The following ROBO2 variants were observed in gnomAD, a reference collection of about 807,000 sequenced individuals.
ROBO2 encodes the protein roundabout homolog 2.
In ROBO2, 53 loss-of-function variants were observed where a neutral mutation model predicts 160.8. The observed-to-expected ratio is 0.33, with a 90% CI of 0.26 to 0.41. The LOEUF is 0.41. Ranked by LOEUF, ROBO2 falls within the 10% of genes least tolerant of loss-of-function variation. The pLI, the probability that ROBO2 is intolerant of heterozygous loss-of-function variation, is 1.00. For missense variants in ROBO2, 1,577 were observed against 1,722.4 expected, an observed-to-expected ratio of 0.92 and a Z score of 1.49; for synonymous variants, 664 against 611.7, an observed-to-expected ratio of 1.09 and a Z score of -1.26.
chr3:76,135,652 G>A (rs143042308), intron 2 of ROBO2, among the ~76,000 whole-genome samples: 2,473 of 152,158 alleles, frequency 0.016, 35 homozygotes, highest in Middle Eastern at 0.054. Context: ...CAGAAAACAG[G>A]TCTGTGATCC....
intron 6 of ROBO2, among the ~76,000 whole-genome samples, chr3:77,531,878 TC>T (rs1004292599): frequency 2.8e-4 from 42 of 152,216 alleles, no homozygotes; most frequent in Middle Eastern, 3.4e-3. Flanking sequence ...ATCATCTCCC[TC>T]CTGAGAGCTC....
rs192260852 is a variant in ROBO2, at chr3:76,310,795, G to C, written c.109+373193G>C. ...GGTTCCTGGGTGGTTTTCAAGCCCA[G>C]CACTACCCACCCAAGTGGCGGTGAC... On this transcript the variant is annotated intron_variant, in intron 2 of 26. Transcript: ENST00000487694. Among the ~76,000 whole-genome samples, 257 of 152,240 alleles carry C rather than the reference G, an allele frequency of 1.7e-3. 1 individual carries two copies. Among genetic ancestry groups the C allele is most frequent in the African/African-American group, 6.0e-3 (250 of 41,532 alleles).
At chr3:77,095,168 G>T (rs1259441803) in intron 1 of ROBO2, among the ~76,000 whole-genome samples, 6 of 151,998 alleles carry the variant, frequency 3.9e-5, no homozygotes, top group African/African-American at 1.2e-4. Flanking sequence ...TATTTAGGTT[G>T]TAGATGTTCT....
intron 2 of ROBO2, among the ~76,000 whole-genome samples, chr3:77,145,014 A>T (rs74702233): frequency 0.075 from 11,313 of 151,128 alleles, 980 homozygotes; most frequent in East Asian, 0.21. Flanking sequence ...TGGCACATTT[A>T]TTTTTTTGTC....
intron 2 of ROBO2, chr3:76,311,106 T>C (rs1234439123): frequency 2.6e-5 from 4 of 152,206 alleles, no homozygotes; most frequent in African/African-American, 9.6e-5. Context: ...GACTGCGTAC[T>C]GAGGAGAAGG....
chr3:77,245,320 A>G (rs1371885897), intron 2 of ROBO2, among the ~76,000 whole-genome samples: 2 of 152,160 alleles, frequency 1.3e-5, no homozygotes, highest in African/African-American at 4.8e-5. Flanking sequence ...ACGCATTGCT[A>G]CATCATCTGT....
chr3:77,203,783 GTT>G (rs1189927469), intron 2 of ROBO2, among the ~76,000 whole-genome samples: 1 of 152,154 alleles, frequency 6.6e-6, no homozygotes, highest in Admixed American at 6.5e-5. Context: ...TTCTCATTCA[GTT>G]TTTGCTGCAA....
chr3:77,307,903 G>A (rs6548497), intron 2 of ROBO2, among the ~76,000 whole-genome samples: 148,915 of 151,870 alleles, frequency 0.98, 73,087 homozygotes, highest in East Asian at 1. Context: ...GGTTGCAGTG[G>A]GCTGAGATCG....
Position 76,230,420 on chromosome 3 carries a change from A to G in ROBO2, c.109+292818A>G, listed in dbSNP as rs183918380. 1.9e-3 allele frequency among the ~76,000 whole-genome samples: 284 copies of G among 152,274 alleles called. 5 individuals are homozygous for G. The highest frequency in any genetic ancestry group is 0.018 in the Admixed American group (268 of 15,288). ...ATTCTCCATTAATTGTCAAATTAAC[A>G]ACTGCTTCAGTCTTGTCTCACTTGC... On this transcript the variant is annotated intron_variant, in intron 2 of 26. Transcript: ENST00000487694.
At chr3:76,063,441 C>T (rs968806688) in intron 2 of ROBO2, among the ~76,000 whole-genome samples, 1 of 150,138 alleles carries the variant, frequency 6.7e-6, no homozygotes, top group Non-Finnish European at 1.5e-5. Flanking sequence ...TCCCTTTGGG[C>T]TCAAGCAATC....
chr3:76,569,302 G>A (rs982597939), intron 2 of ROBO2, among the ~76,000 whole-genome samples: 7 of 151,928 alleles, frequency 4.6e-5, no homozygotes, highest in Non-Finnish European at 8.8e-5. Flanking sequence ...ATACATGTGG[G>A]CATCTGGATA....
intron 2 of ROBO2, among the ~76,000 whole-genome samples, chr3:76,156,344 AAAGTT>A (rs1185748426): frequency 1.3e-5 from 2 of 152,218 alleles, no homozygotes; most frequent in Non-Finnish European, 2.9e-5. Context: ...CCTACACATT[AAAGTT>A]ATTTATCAGA....
chr3:76,079,988 C>T (rs954553026), intron 2 of ROBO2, among the ~76,000 whole-genome samples: 3 of 152,054 alleles, frequency 2.0e-5, no homozygotes, highest in Non-Finnish European at 4.4e-5. Context: ...AGCAGGAATA[C>T]ATAAGAATGA....
chr3:77,130,232 G>A (rs575970989), intron 2 of ROBO2, among the ~76,000 whole-genome samples: 33 of 152,040 alleles, frequency 2.2e-4, no homozygotes, highest in African/African-American at 7.7e-4. Context: ...CAAGCCTCTC[G>A]TCTCCTTTGC....
chr3:76,954,190 G>A (rs1315488981), intron 2 of ROBO2, among the ~76,000 whole-genome samples: 1 of 152,046 alleles, frequency 6.6e-6, no homozygotes, highest in East Asian at 1.9e-4. Context: ...TAAACCCAGA[G>A]GCCTAAGCAT....
intron 2 of ROBO2, among the ~76,000 whole-genome samples, chr3:76,689,418 CT>C (rs1433004434): frequency 2.0e-5 from 3 of 152,158 alleles, no homozygotes; most frequent in Non-Finnish European, 4.4e-5. Context: ...CTCCAATCCA[CT>C]TTATTAATTC....
At chr3:76,347,853 A>C (rs554780839) in intron 2 of ROBO2, among the ~76,000 whole-genome samples, 5 of 152,262 alleles carry the variant, frequency 3.3e-5, no homozygotes, top group African/African-American at 1.2e-4. Flanking sequence ...ACATCATACT[A>C]TATATTAAGC....
intron 2 of ROBO2, among the ~76,000 whole-genome samples, chr3:77,221,094 T>G (rs567778067): frequency 1.3e-5 from 2 of 152,138 alleles, no homozygotes; most frequent in African/African-American, 4.8e-5. Flanking sequence ...AAAACATCAG[T>G]TATATGAACA....
chr3:75,996,476 C>A (rs2065728839), intron 2 of ROBO2, among the ~76,000 whole-genome samples: 1 of 152,280 alleles, frequency 6.6e-6, no homozygotes, highest in Non-Finnish European at 1.5e-5. Flanking sequence ...AAACCTCTTT[C>A]ATTTATAAAT....
Sources: gnomAD v4.1 joint callset for allele counts (sites outside exome capture counted in the v4.1 genomes callset) on GRCh38, gnomAD v4.1.1 for gene constraint, MANE v1.5 for transcripts, NCBI Gene and HGNC (gene_info 2026-07-23, HGNC 2026-07-21) for gene names.